The following PPP6R3 variants were observed in gnomAD, a reference collection of about 807,000 sequenced individuals.
The protein encoded by PPP6R3 is serine/threonine-protein phosphatase 6 regulatory subunit 3.
In PPP6R3, 38 loss-of-function variants were observed where a neutral mutation model predicts 110.7. The observed-to-expected ratio is 0.34, with a 90% CI of 0.26 to 0.45. PPP6R3 has a LOEUF of 0.45. Among genes scored for constraint, PPP6R3 ranks in the 20% least tolerant of loss-of-function variants. The probability of loss-of-function intolerance (pLI) is 1.00; values close to 1 mark genes in which losing one functional copy is unlikely to be tolerated. For missense variants in PPP6R3, 870 were observed against 1,062.4 expected (o/e 0.82, Z 2.52); for synonymous variants, 369 against 373.5 (o/e 0.99, Z 0.14).
chr11:68,504,958 G>A (rs558436473), intron 1 of PPP6R3, among the ~76,000 whole-genome samples: 2 of 152,140 alleles, frequency 1.3e-5, no homozygotes, highest in East Asian at 3.9e-4. Flanking sequence ...CTGTCATTGG[G>A]GTCTGGTTTC....
chr11:68,564,832 G>A (rs1012646580), intron 9 of PPP6R3, among the ~76,000 whole-genome samples: 1 of 152,216 alleles, frequency 6.6e-6, no homozygotes, highest in Non-Finnish European at 1.5e-5. Context: ...TTAAGAAAGA[G>A]TAGGTTGAAG....
chr11:68,528,437 G>GGC, intron 2 of PPP6R3, among the ~76,000 whole-genome samples: 1 of 140,220 alleles, frequency 7.1e-6, no homozygotes, highest in Admixed American at 7.0e-5. Flanking sequence ...TGTGTGTGGG[G>GGC]GGGGGGGCTG....
In PPP6R3 at chr11:68,609,986, G is replaced by A. The variant is rs199837553; in HGVS notation, c.2533G>A (p.Ala845Thr). 1.2e-5 allele frequency: 19 copies of A among 1,614,112 alleles called. No homozygotes were observed. The highest frequency in any genetic ancestry group is 9.3e-5 in the African/African-American group (7 of 75,044). ...TCCCGAGACTGCAGAGGCGAAGTGC[G>A]CGGCGCCCAGGCCTCCCAGCAGCAG... ...ECPETAEAKC[A>T]APRPPSSSPE... Residue 845 changes from alanine (A) to threonine (T), a missense_variant, in exon 23 of 24, where the codon GCG becomes ACG. Physicochemically the swap from Ala to Thr is moderately conservative, Grantham distance 58. Transcript: ENST00000393800.
chr11:68,461,290 T>C (rs1277895546), intron 1 of PPP6R3, among the ~76,000 whole-genome samples: 3 of 151,994 alleles, frequency 2.0e-5, no homozygotes, highest in African/African-American at 7.2e-5. Flanking sequence ...CAACTCGCCG[T>C]CAAGAGTCGC....
intron 4 of PPP6R3, among the ~76,000 whole-genome samples, chr11:68,547,483 C>T (rs894622115): frequency 1.3e-5 from 2 of 152,036 alleles, no homozygotes; most frequent in African/African-American, 4.8e-5. Flanking sequence ...GCCATTCTCA[C>T]GTTCCTTCAG....
At chr11:68,554,347 T>C in intron 7 of PPP6R3, 90 bp downstream of exon 7, 1 of 962,504 alleles carries the variant, frequency 1.0e-6, no homozygotes, top group Non-Finnish European at 1.5e-6. Context: ...GTTCCTTATG[T>C]GGGAATCATG....
chr11:68,608,321 A>G (rs1161387944), intron 22 of PPP6R3, among the ~76,000 whole-genome samples: 3 of 152,232 alleles, frequency 2.0e-5, no homozygotes, highest in African/African-American at 7.2e-5. Context: ...ACAAACAAAA[A>G]TGCTCAAAAC....
intron 5 of PPP6R3, 98 bp downstream of exon 5, chr11:68,548,302 G>A (rs1380218676): frequency 2.1e-6 from 3 of 1,462,838 alleles, no homozygotes; most frequent in African/African-American, 2.8e-5. Flanking sequence ...TGGGATTAGG[G>A]TTGGTAGCAG....
At chr11:68,575,609 A>T (rs945789522) in intron 13 of PPP6R3, among the ~76,000 whole-genome samples, 6 of 152,178 alleles carry the variant, frequency 3.9e-5, no homozygotes, top group Non-Finnish European at 8.8e-5. Context: ...CCTTTCTCAG[A>T]AAAGCTTGTT....
chr11:68,535,400 T>G (rs925632144), intron 2 of PPP6R3: 5 of 152,186 alleles, frequency 3.3e-5, no homozygotes, highest in South Asian at 2.1e-4. Context: ...CCCCGCTTTG[T>G]GTCATCCCAC....
At chr11:68,500,141 G>A (rs568293113) in intron 1 of PPP6R3, among the ~76,000 whole-genome samples, 5 of 152,226 alleles carry the variant, frequency 3.3e-5, no homozygotes, top group East Asian at 3.9e-4. Flanking sequence ...CAACCACAAA[G>A]CCTCACATCT....
chr11:68,526,163 C>T (rs1399619149), intron 2 of PPP6R3, among the ~76,000 whole-genome samples: 3 of 152,160 alleles, frequency 2.0e-5, no homozygotes, highest in Non-Finnish European at 4.4e-5. Flanking sequence ...GGAATCCTGC[C>T]CAGTTTCAGA....
intron 3 of PPP6R3, among the ~76,000 whole-genome samples, chr11:68,539,808 G>A (rs566643174): frequency 2.6e-5 from 4 of 152,296 alleles, no homozygotes; most frequent in South Asian, 2.1e-4. Flanking sequence ...GAAGCATGAC[G>A]AGACAGGGAC....
At chr11:68,577,335 A>G (rs1249269031) in intron 14 of PPP6R3, among the ~76,000 whole-genome samples, 2 of 152,174 alleles carry the variant, frequency 1.3e-5, no homozygotes, top group African/African-American at 2.4e-5. Flanking sequence ...CCTCTCCCAT[A>G]CTGTTAAATC....
At chr11:68,468,390 C>G (rs2098764027) in intron 1 of PPP6R3, among the ~76,000 whole-genome samples, 1 of 152,196 alleles carries the variant, frequency 6.6e-6, no homozygotes, top group Non-Finnish European at 1.5e-5. Flanking sequence ...TCATCTGTCT[C>G]TTTTGTCTGC....
intron 1 of PPP6R3, among the ~76,000 whole-genome samples, chr11:68,463,140 G>A (rs1463116606): frequency 1.8e-4 from 27 of 152,168 alleles, no homozygotes; most frequent in African/African-American, 5.1e-4. Flanking sequence ...TTGGGAGGCC[G>A]AGGCTGGCGG....
intron 1 of PPP6R3, among the ~76,000 whole-genome samples, chr11:68,505,741 A>G (rs2099072621): frequency 6.6e-6 from 1 of 152,204 alleles, no homozygotes; most frequent in African/African-American, 2.4e-5. Context: ...CTTCCTAGCC[A>G]TGTTTCAGAT....
intron 2 of PPP6R3, among the ~76,000 whole-genome samples, chr11:68,529,907 A>G (rs764298311): frequency 2.6e-5 from 4 of 152,158 alleles, no homozygotes; most frequent in Non-Finnish European, 4.4e-5. Context: ...GCGGAGAGAG[A>G]CTGAATCATA....
chr11:68,592,824 T>A (rs554933078), intron 18 of PPP6R3, among the ~76,000 whole-genome samples: 1 of 152,216 alleles, frequency 6.6e-6, no homozygotes, highest in African/African-American at 2.4e-5. Flanking sequence ...TTGTTTCTTA[T>A]GTTGAATGGA....
Sources: allele counts gnomAD v4.1 joint callset (sites outside exome capture counted in the v4.1 genomes callset), GRCh38; gene constraint gnomAD v4.1.1; transcripts MANE v1.5; gene names NCBI Gene and HGNC (gene_info 2026-07-23, HGNC 2026-07-21).